Variants in ADAMTSL1 observed in about 807,000 individuals in gnomAD.
ADAMTSL1 encodes the protein ADAMTS like 1, also known as ADAMTS-like protein 1.
A neutral mutation model predicts 201.8 loss-of-function variants in ADAMTSL1; 126 were observed. The observed-to-expected ratio is 0.62, with a 90% CI of 0.54 to 0.72. The LOEUF (loss-of-function observed/expected upper bound fraction) is 0.72. Ranked by LOEUF, ADAMTSL1 falls within the 30% of genes least tolerant of loss-of-function variation. The pLI is 0.00. For missense variants in ADAMTSL1, 2,679 were observed against 2,277.8 expected (o/e 1.18, Z -3.59); for synonymous variants, 1,121 against 903.4 (o/e 1.24, Z -4.32).
At chr9:17,952,314 A>G (rs1827758362) in intron 1 of ADAMTSL1, among the ~76,000 whole-genome samples, 1 of 151,992 alleles carries the variant, frequency 6.6e-6, no homozygotes, top group African/African-American at 2.4e-5. Flanking sequence ...CTACCCTGAA[A>G]TAATATTCTT....
chr9:18,623,427 A>G (rs994559671), intron 5 of ADAMTSL1, among the ~76,000 whole-genome samples: 1 of 152,158 alleles, frequency 6.6e-6, no homozygotes, highest in Non-Finnish European at 1.5e-5. Flanking sequence ...AATGGAGCCA[A>G]GATTTGAGCT....
chr9:18,016,261 C>G (rs544053553), intron 1 of ADAMTSL1, among the ~76,000 whole-genome samples: 1 of 152,174 alleles, frequency 6.6e-6, no homozygotes, highest in South Asian at 2.1e-4. Flanking sequence ...GAGTACCCAG[C>G]TCCTAGCTGT....
chr9:18,890,654 A>G (rs943752020), intron 25 of ADAMTSL1: 2 of 455,192 alleles, frequency 4.4e-6, no homozygotes, highest in Non-Finnish European at 8.8e-6. Context: ...AGGTTTCCAC[A>G]GGAATGATTA....
chr9:18,450,263 T>C (rs1397062672), intron 2 of ADAMTSL1, among the ~76,000 whole-genome samples: 2 of 152,170 alleles, frequency 1.3e-5, no homozygotes, highest in Admixed American at 1.3e-4. Flanking sequence ...TTCTATATCT[T>C]GATTGCTGTG....
At chr9:18,369,424 T>A (rs1377880715) in intron 2 of ADAMTSL1, among the ~76,000 whole-genome samples, 1 of 152,124 alleles carries the variant, frequency 6.6e-6, no homozygotes, top group African/African-American at 2.4e-5. Context: ...AAAACCACAA[T>A]GAGCTACCAT....
intron 15 of ADAMTSL1, among the ~76,000 whole-genome samples, chr9:18,736,988 C>T (rs1818533760): frequency 6.6e-6 from 1 of 152,052 alleles, no homozygotes; most frequent in Admixed American, 6.6e-5. Context: ...CCCACTTGTC[C>T]ACATAGAACT....
intron 1 of ADAMTSL1, among the ~76,000 whole-genome samples, chr9:18,109,316 C>G (rs1468332264): frequency 6.6e-6 from 1 of 152,058 alleles, no homozygotes. Flanking sequence ...TCGGAAGGAC[C>G]CAGGTGTTTA....
At chr9:17,925,965 T>C (rs936590050) in intron 1 of ADAMTSL1, among the ~76,000 whole-genome samples, 2 of 152,154 alleles carry the variant, frequency 1.3e-5, no homozygotes, top group Non-Finnish European at 2.9e-5. Flanking sequence ...TAGCAATTGT[T>C]GCTACATTCT....
chr9:18,134,879 C>T (rs931196959), intron 1 of ADAMTSL1, among the ~76,000 whole-genome samples: 5 of 152,158 alleles, frequency 3.3e-5, no homozygotes, highest in Admixed American at 2.0e-4. Context: ...TTGTTGGGGA[C>T]TGCCAGGAAG....
In ADAMTSL1 at chr9:18,224,705, C is replaced by G. The variant is rs567225268; in HGVS notation, c.207+60724C>G. ...CCACAGGTAGCCATTCCTCTAATTA[C>G]CTCATTTGCCAGCGGCTTTTCTCAT... On this transcript the variant is annotated intron_variant, in intron 2 of 29. Coordinates refer to the ADAMTSL1 transcript ENST00000680146. 3.9e-5 allele frequency among the ~76,000 whole-genome samples: 6 copies of G among 152,200 alleles called. No individual in the cohort carries two copies. The South Asian group carries it at 6.2e-4, about 16-fold the overall frequency.
chr9:17,999,693 C>A (rs868355318), intron 1 of ADAMTSL1, among the ~76,000 whole-genome samples: 1 of 150,312 alleles, frequency 6.7e-6, no homozygotes, highest in African/African-American at 2.5e-5. Flanking sequence ...CATGCTGGTG[C>A]GCTGCACCCA....
At chr9:18,330,379 C>T (rs372479097) in intron 2 of ADAMTSL1, among the ~76,000 whole-genome samples, 5 of 152,172 alleles carry the variant, frequency 3.3e-5, no homozygotes, top group Admixed American at 6.5e-5. Context: ...GTAGCCACCC[C>T]CTACAGTGAC....
intron 5 of ADAMTSL1, among the ~76,000 whole-genome samples, chr9:18,625,665 T>C (rs1191396935): frequency 6.6e-6 from 1 of 152,208 alleles, no homozygotes; most frequent in Non-Finnish European, 1.5e-5. Context: ...CTCACAAGAT[T>C]TATTGACTTA....
intron 2 of ADAMTSL1, among the ~76,000 whole-genome samples, chr9:18,296,418 G>A (rs1025440955): frequency 6.6e-6 from 1 of 151,994 alleles, no homozygotes; most frequent in African/African-American, 2.4e-5. Context: ...ATAATGACAT[G>A]GTGATATAAG....
intron 16 of ADAMTSL1, among the ~76,000 whole-genome samples, chr9:18,770,222 G>A (rs552743565): frequency 6.6e-6 from 1 of 152,158 alleles, no homozygotes; most frequent in Non-Finnish European, 1.5e-5. Context: ...GCTCTCTCCT[G>A]TTCATTCTGG....
intron 2 of ADAMTSL1, among the ~76,000 whole-genome samples, chr9:18,436,300 C>A (rs1465141669): frequency 6.6e-6 from 1 of 152,086 alleles, no homozygotes; most frequent in Non-Finnish European, 1.5e-5. Context: ...TCTTTCACAC[C>A]TCTCTATGGT....
chr9:18,629,235 CTT>C (rs75914391), intron 5 of ADAMTSL1, among the ~76,000 whole-genome samples: 1 of 148,844 alleles, frequency 6.7e-6, no homozygotes, highest in Non-Finnish European at 1.5e-5. Context: ...TTGTAAGCCA[CTT>C]TTTTTTTTGT....
intron 23 of ADAMTSL1, among the ~76,000 whole-genome samples, chr9:18,860,232 G>A (rs746326364): frequency 6.6e-6 from 1 of 152,174 alleles, no homozygotes; most frequent in African/African-American, 2.4e-5. Context: ...TTCTTTGGGG[G>A]TAAAAATATA....
At chr9:18,344,293 G>A (rs751322286) in intron 2 of ADAMTSL1, among the ~76,000 whole-genome samples, 9 of 151,486 alleles carry the variant, frequency 5.9e-5, no homozygotes, top group Non-Finnish European at 1.0e-4. Flanking sequence ...TCCTTTTGCT[G>A]TTTAATAACA....
Sources: allele counts gnomAD v4.1 joint callset (sites outside exome capture counted in the v4.1 genomes callset), GRCh38; gene constraint gnomAD v4.1.1; transcripts MANE v1.5; gene names NCBI Gene and HGNC (gene_info 2026-07-23, HGNC 2026-07-21).